Variants in WDR27 observed in about 807,000 individuals in gnomAD.
WDR27 encodes WD repeat-containing protein 27.
A neutral mutation model predicts 114.4 loss-of-function variants in WDR27; 100 were observed. That is an observed-to-expected ratio of 0.87 (90% CI 0.74 to 1.03). The LOEUF (loss-of-function observed/expected upper bound fraction) is 1.03, where lower values mean the gene tolerates loss of function less well. WDR27 is among the 50% of genes least tolerant of loss of function. The pLI, the probability that WDR27 is intolerant of heterozygous loss-of-function variation, is 0.00. For synonymous variants in WDR27, 449 were observed against 423.1 expected (o/e 1.06, Z -0.75); for missense variants, 1,129 against 1,092.9 (o/e 1.03, Z -0.47).
chr6:169,664,539 C>T lies in WDR27; in HGVS notation c.784-253G>A, dbSNP rs138648777. On this transcript the variant is annotated intron_variant, in intron 7 of 25. Coordinates refer to ENST00000448612, the MANE Select transcript of WDR27 (RefSeq NM_182552.5). ...GGCACATGGGCAGGATCCTACTGTGCAGGCCTCCCCAAGATGCTCCTCTGG... is the reference window on the plus strand; with the variant it reads ...GGCACATGGGCAGGATCCTACTGTGTAGGCCTCCCCAAGATGCTCCTCTGG... 204 of 1,346,936 alleles carry T rather than the reference C, an allele frequency of 1.5e-4. No individual in the cohort carries two copies. The East Asian group carries it at 5.0e-3, about 33-fold the overall frequency. 83.4% of individuals were successfully genotyped at this position (1,346,936 alleles called of 1,614,324 possible).
intron 23 of WDR27, among the ~76,000 whole-genome samples, chr6:169,595,781 A>T (rs1161011337): frequency 2.2e-5 from 2 of 89,130 alleles, no homozygotes; most frequent in Admixed American, 2.0e-4. Flanking sequence ...GGTTTTATAC[A>T]GCTTTATTTT....
intron 2 of WDR27, among the ~76,000 whole-genome samples, chr6:169,682,099 G>A (rs1008020208): frequency 1.4e-4 from 22 of 152,230 alleles, no homozygotes; most frequent in African/African-American, 3.9e-4. Context: ...GATCCCAGAC[G>A]GGCCCAATCT....
the WDR27 span, among the ~76,000 whole-genome samples, chr6:169,449,911 G>A: frequency 1.3e-5 from 2 of 152,212 alleles, no homozygotes; most frequent in Non-Finnish European, 2.9e-5. Flanking sequence ...GCAACAGAGC[G>A]AGAAAGAAGC....
At chr6:169,481,895 C>T (rs971307655) in intron 25 of WDR27, among the ~76,000 whole-genome samples, 32 of 152,202 alleles carry the variant, frequency 2.1e-4, no homozygotes, top group African/African-American at 6.8e-4. Flanking sequence ...TGTGAGGGTC[C>T]GCGGCTTCAT....
chr6:169,560,315 C>A (rs1277739565), intron 25 of WDR27, among the ~76,000 whole-genome samples: 6 of 152,196 alleles, frequency 3.9e-5, no homozygotes, highest in Non-Finnish European at 8.8e-5. Context: ...GGGAGGCCTC[C>A]CCAGCCATAT....
At chr6:169,588,552 T>A (rs964606449) in intron 23 of WDR27, among the ~76,000 whole-genome samples, 2 of 152,236 alleles carry the variant, frequency 1.3e-5, no homozygotes, top group African/African-American at 4.8e-5. Context: ...CAAACCCATG[T>A]TGTTCAAGGG....
intron 23 of WDR27, among the ~76,000 whole-genome samples, chr6:169,597,969 T>TG (rs1326783742): frequency 4.6e-5 from 7 of 152,116 alleles, no homozygotes; most frequent in African/African-American, 9.6e-5. Context: ...TCTTTTTTTT[T>TG]TTGTTTAGAA....
intron 23 of WDR27, among the ~76,000 whole-genome samples, chr6:169,598,411 C>G (rs1807262102): frequency 6.6e-6 from 1 of 152,166 alleles, no homozygotes; most frequent in Admixed American, 6.5e-5. Flanking sequence ...GTGAAAGGGC[C>G]TAGAGGCAAG....
At chr6:169,483,301 A>C (rs1202069125) in intron 25 of WDR27, among the ~76,000 whole-genome samples, 1 of 152,212 alleles carries the variant, frequency 6.6e-6, no homozygotes, top group East Asian at 1.9e-4. Flanking sequence ...AGAACAGAGA[A>C]GATCCAAATA....
At chr6:169,565,129 T>C (rs1800262795) in intron 25 of WDR27, among the ~76,000 whole-genome samples, 1 of 152,176 alleles carries the variant, frequency 6.6e-6, no homozygotes. Flanking sequence ...CGGCGGGAGA[T>C]GTGTTCTGAC....
the WDR27 span, among the ~76,000 whole-genome samples, chr6:169,433,579 G>A: frequency 1.3e-5 from 2 of 152,176 alleles, no homozygotes; most frequent in African/African-American, 4.8e-5. Flanking sequence ...ATAGTAGAAT[G>A]ATTTATAATC....
the WDR27 span, among the ~76,000 whole-genome samples, chr6:169,438,463 T>G: frequency 6.6e-6 from 1 of 152,084 alleles, no homozygotes; most frequent in African/African-American, 2.4e-5. Flanking sequence ...GGTCTTGATC[T>G]CCTGACCTCG....
intron 24 of WDR27, among the ~76,000 whole-genome samples, chr6:169,582,338 A>AT (rs1460059984): frequency 6.6e-6 from 1 of 152,186 alleles, no homozygotes; most frequent in Non-Finnish European, 1.5e-5. Flanking sequence ...AAGACCATTC[A>AT]TTTTTATATA....
intron 25 of WDR27, among the ~76,000 whole-genome samples, chr6:169,509,869 G>A (rs1367642175): frequency 6.6e-6 from 1 of 152,178 alleles, no homozygotes; most frequent in Non-Finnish European, 1.5e-5. Context: ...GAAAATTTTT[G>A]CAACCTACTC....
chr6:169,551,199 G>A (rs1398320118), intron 25 of WDR27, among the ~76,000 whole-genome samples: 3 of 152,106 alleles, frequency 2.0e-5, no homozygotes, highest in Non-Finnish European at 2.9e-5. Flanking sequence ...TACTTCAGTT[G>A]GATGAAACTA....
At chr6:169,658,422 G>T in intron 12 of WDR27, 64 bp from the exon 13 acceptor site, 2 of 1,226,126 alleles carry the variant, frequency 1.6e-6, no homozygotes, top group Non-Finnish European at 2.4e-6. Context: ...AAATGCCTCA[G>T]TGACACACAC....
At chr6:169,513,688 T>TTATTTATAAGTAATTACTTATAAACAATG (rs1793223892) in intron 25 of WDR27, among the ~76,000 whole-genome samples, 1 of 151,570 alleles carries the variant, frequency 6.6e-6, no homozygotes, top group East Asian at 2.0e-4. Flanking sequence ...AACAATGTGT[T>TTATTTATAAGTAATTACTTATAAACAATG]TATTTATAAG....
intron 18 of WDR27, among the ~76,000 whole-genome samples, 174 bp from the exon 19 acceptor site, chr6:169,636,678 G>T (rs972710147): frequency 4.3e-4 from 65 of 152,214 alleles, no homozygotes; most frequent in African/African-American, 1.5e-3. Flanking sequence ...CTTCTGAAAG[G>T]TATTATATGA....
At chr6:169,641,572 G>A (rs1341439544) in intron 17 of WDR27, among the ~76,000 whole-genome samples, 1 of 152,150 alleles carries the variant, frequency 6.6e-6, no homozygotes, top group African/African-American at 2.4e-5. Context: ...CCCCGCGCTG[G>A]GGAAGCAGTC....
Sources: allele counts gnomAD v4.1 joint callset (sites outside exome capture counted in the v4.1 genomes callset), GRCh38; gene constraint gnomAD v4.1.1; transcripts MANE v1.5; gene names NCBI Gene and HGNC (gene_info 2026-07-23, HGNC 2026-07-21).